The following EML6 variants were observed in gnomAD, a reference collection of about 807,000 sequenced individuals.
The protein encoded by EML6 is echinoderm microtubule-associated protein-like 6.
Under a neutral mutation model 240.1 loss-of-function variants are expected in EML6, and 154 were observed. The observed-to-expected ratio is 0.64, with a 90% CI of 0.56 to 0.73. The LOEUF (loss-of-function observed/expected upper bound fraction) is 0.73, where lower values mean the gene tolerates loss of function less well. EML6 is among the 30% of genes least tolerant of loss of function. The pLI, the probability that EML6 is intolerant of heterozygous loss-of-function variation, is 0.00. For synonymous variants in EML6, 1,148 were observed against 899.0 expected, an observed-to-expected ratio of 1.28 and a Z score of -4.95; for missense variants, 2,964 against 2,474.6, an observed-to-expected ratio of 1.20 and a Z score of -4.20.
At chr2:54,731,959 A>C (rs1240842465) in intron 2 of EML6, among the ~76,000 whole-genome samples, 1 of 152,194 alleles carries the variant, frequency 6.6e-6, no homozygotes, top group East Asian at 1.9e-4. Context: ...CCACATCGTC[A>C]AGATTTACTA....
At chr2:54,842,576 C>T (rs1669521865) in intron 7 of EML6, among the ~76,000 whole-genome samples, 1 of 152,164 alleles carries the variant, frequency 6.6e-6, no homozygotes, top group Non-Finnish European at 1.5e-5. Context: ...ACTTTCTATC[C>T]CAGAGACACA....
At chr2:54,907,941 TAGATAAG>T (rs1284669412) in intron 24 of EML6, among the ~76,000 whole-genome samples, 2 of 26,104 alleles carry the variant, frequency 7.7e-5, no homozygotes, top group Admixed American at 9.6e-4. Flanking sequence ...GATAGATAGA[TAGATAAG>T]ATAGATAGAT....
chr2:54,838,751 T>C (rs549022303), intron 7 of EML6, among the ~76,000 whole-genome samples: 1 of 152,292 alleles, frequency 6.6e-6, no homozygotes, highest in Admixed American at 6.5e-5. Flanking sequence ...CTGCTGGCTC[T>C]CTGTACCAAG....
rs939666686 is a variant in EML6 at position 54,808,199 on chromosome 2, T to G, written c.198-5033T>G. Among the ~76,000 whole-genome samples, 18 of 152,134 alleles carry G rather than the reference T, an allele frequency of 1.2e-4. No homozygotes were observed. In the South Asian group the frequency reaches 3.5e-3, roughly 30 times the overall value. ...CTCTCTGTGGTGTCAAGATCACAGT[T>G]GTGGTGGGGTACTGAAGTGCTAAGC... is the stretch of plus-strand genomic sequence containing the variant. On this transcript the variant is annotated intron_variant, in intron 2 of 41. Coordinates refer to ENST00000356458, the MANE Select transcript of EML6 (RefSeq NM_001039753.4).
intron 12 of EML6, among the ~76,000 whole-genome samples, chr2:54,863,033 G>T (rs752255677): frequency 6.6e-6 from 1 of 152,212 alleles, no homozygotes; most frequent in South Asian, 2.1e-4. Context: ...TTCCAATTCA[G>T]TGGACATGTA....
At chr2:54,756,101 T>G (rs550113482) in intron 2 of EML6, among the ~76,000 whole-genome samples, 1 of 152,236 alleles carries the variant, frequency 6.6e-6, no homozygotes, top group East Asian at 1.9e-4. Flanking sequence ...TTTCTCTCAT[T>G]CAGTGAGAAT....
chr2:54,927,291 C>T (rs909682889), intron 26 of EML6, among the ~76,000 whole-genome samples: 2 of 152,188 alleles, frequency 1.3e-5, no homozygotes, highest in Non-Finnish European at 2.9e-5. Flanking sequence ...TACAAAGTCA[C>T]GAACCCTCCT....
chr2:54,779,351 C>T (rs1218336688), intron 2 of EML6, among the ~76,000 whole-genome samples: 3 of 151,394 alleles, frequency 2.0e-5, no homozygotes, highest in African/African-American at 4.9e-5. Context: ...CCAGCCTGGC[C>T]ATCATGGTGA....
chr2:54,949,611 C>T (rs1482996602), intron 29 of EML6, among the ~76,000 whole-genome samples: 1 of 152,212 alleles, frequency 6.6e-6, no homozygotes, highest in Non-Finnish European at 1.5e-5. Context: ...CTCTCTGACA[C>T]ATGCCCCAAT....
chr2:54,926,608 C>G (rs1282232520), intron 26 of EML6, among the ~76,000 whole-genome samples: 1 of 152,248 alleles, frequency 6.6e-6, no homozygotes, highest in Non-Finnish European at 1.5e-5. Context: ...CTGCCAGTGT[C>G]TTTCTCTTGA....
chr2:54,955,488 C>A (rs542715467), intron 32 of EML6, among the ~76,000 whole-genome samples: 1 of 152,316 alleles, frequency 6.6e-6, no homozygotes, highest in East Asian at 1.9e-4. Context: ...TTGCGTAAAG[C>A]CCCTTCTTAT....
At chr2:54,882,939 T>A (rs536332495) in intron 17 of EML6, 1 of 150,740 alleles carries the variant, frequency 6.6e-6, no homozygotes, top group East Asian at 1.9e-4. Flanking sequence ...AGTAAGCACT[T>A]CTGTATTAGC....
intron 35 of EML6, among the ~76,000 whole-genome samples, chr2:54,960,604 CAG>C (rs1676452673): frequency 6.6e-6 from 1 of 152,176 alleles, no homozygotes; most frequent in Non-Finnish European, 1.5e-5. Context: ...TTATACATGA[CAG>C]TGCCTTTCAT....
chr2:54,873,547 A>C (rs1671362461), intron 16 of EML6, among the ~76,000 whole-genome samples: 1 of 151,960 alleles, frequency 6.6e-6, no homozygotes. Context: ...AAGAAGCTGT[A>C]ATTTTAGTTC....
intron 2 of EML6, among the ~76,000 whole-genome samples, chr2:54,745,490 A>C (rs1477784151): frequency 6.6e-6 from 1 of 152,202 alleles, no homozygotes; most frequent in African/African-American, 2.4e-5. Context: ...CAAGACCTTA[A>C]GACAGGCCAA....
At chr2:54,782,048 A>G (rs538143674) in intron 2 of EML6, among the ~76,000 whole-genome samples, 231 of 152,344 alleles carry the variant, frequency 1.5e-3, no homozygotes, top group Middle Eastern at 0.014. Flanking sequence ...TGTAACAAAA[A>G]GTTTTCTCTA....
intron 15 of EML6, among the ~76,000 whole-genome samples, chr2:54,870,176 C>G: frequency 6.6e-6 from 1 of 152,160 alleles, no homozygotes; most frequent in East Asian, 1.9e-4. Context: ...AAGCCCTTTT[C>G]CTGAGACTCG....
At position 54,863,670 on chromosome 2, in the gene EML6, A is replaced by G. The variant is rs944245426; in HGVS notation, c.1826-113A>G. Reference sequence around the variant, plus strand: ...TAACAATTTATATTAAATGAAAACTATGGTATAGTTTTTATTTACTTTGCT... The same window carrying G: ...TAACAATTTATATTAAATGAAAACTGTGGTATAGTTTTTATTTACTTTGCT... On this transcript the variant is annotated intron_variant, in intron 12 of 41. Coordinates refer to ENST00000356458, the MANE Select transcript of EML6 (RefSeq NM_001039753.4). The G allele has an allele frequency of 4.9e-5, 33 of 670,710 alleles. No homozygotes were observed. In the South Asian group the frequency reaches 5.0e-4, roughly 10 times the overall value. 41.5% of individuals were successfully genotyped at this position (670,710 alleles called of 1,614,324 possible).
intron 2 of EML6, among the ~76,000 whole-genome samples, chr2:54,793,836 G>C (rs1199756214): frequency 2.0e-5 from 3 of 151,840 alleles, no homozygotes; most frequent in Admixed American, 6.6e-5. Context: ...TGTGATGGCT[G>C]GAACTCCCTG....
Sources: gnomAD v4.1 joint callset for allele counts (sites outside exome capture counted in the v4.1 genomes callset) on GRCh38, gnomAD v4.1.1 for gene constraint, MANE v1.5 for transcripts, NCBI Gene and HGNC (gene_info 2026-07-23, HGNC 2026-07-21) for gene names.